STON2: variants seen among roughly 807,000 people sequenced by gnomAD.
STON2 encodes the protein stonin 2.
In STON2, 29 loss-of-function variants were observed where a neutral mutation model predicts 65.7. That is an observed-to-expected ratio of 0.44 (90% CI 0.33 to 0.60). The LOEUF (loss-of-function observed/expected upper bound fraction) is 0.60, where lower values mean the gene tolerates loss of function less well. Ranked by LOEUF, STON2 falls within the 20% of genes least tolerant of loss-of-function variation. The probability of loss-of-function intolerance (pLI) is 0.03; values close to 1 mark genes in which losing one functional copy is unlikely to be tolerated. For missense variants in STON2, 1,054 were observed against 1,118.1 expected (o/e 0.94, Z 0.82); for synonymous variants, 404 against 414.2 (o/e 0.98, Z 0.30).
intron 3 of STON2, among the ~76,000 whole-genome samples, chr14:81,390,193 C>CAA (rs759154677): frequency 3.4e-5 from 3 of 88,348 alleles, no homozygotes; most frequent in Non-Finnish European, 4.7e-5. Flanking sequence ...GACTCCATTT[C>CAA]AAAAAAAAAA....
At chr14:81,368,881 T>C (rs1295453481) in intron 4 of STON2, among the ~76,000 whole-genome samples, 1 of 152,166 alleles carries the variant, frequency 6.6e-6, no homozygotes, top group Non-Finnish European at 1.5e-5. Context: ...GCCAGTTAGT[T>C]TCTGGTGAGG....
intron 1 of STON2, among the ~76,000 whole-genome samples, chr14:81,427,779 C>T (rs764380770): frequency 2.0e-5 from 3 of 152,034 alleles, no homozygotes; most frequent in Non-Finnish European, 4.4e-5. Context: ...GTGAACTGAC[C>T]GTGCAAAAAC....
intron 2 of STON2, among the ~76,000 whole-genome samples, chr14:81,423,727 C>G (rs1901828326): frequency 6.6e-6 from 1 of 152,150 alleles, no homozygotes; most frequent in Non-Finnish European, 1.5e-5. Context: ...GGGGCAGCTG[C>G]ACAGGGGCCC....
At chr14:81,359,414 C>T (rs2140336027) in intron 4 of STON2, among the ~76,000 whole-genome samples, 1 of 152,236 alleles carries the variant, frequency 6.6e-6, no homozygotes, top group East Asian at 1.9e-4. Context: ...TCGCAATGAA[C>T]ACCTACATCA....
At chr14:81,397,618 A>G (rs946600749) in intron 2 of STON2, among the ~76,000 whole-genome samples, 2 of 152,204 alleles carry the variant, frequency 1.3e-5, no homozygotes, top group Non-Finnish European at 2.9e-5. Context: ...TGGCACTGGT[A>G]GCTGTAGTAG....
intron 2 of STON2, among the ~76,000 whole-genome samples, chr14:81,408,976 T>G (rs1901014144): frequency 6.6e-6 from 1 of 152,172 alleles, no homozygotes; most frequent in Non-Finnish European, 1.5e-5. Flanking sequence ...CACTTCATAT[T>G]TTTTTTGAAA....
At chr14:81,283,200 G>T (rs564596504) in intron 5 of STON2, among the ~76,000 whole-genome samples, 1 of 152,162 alleles carries the variant, frequency 6.6e-6, no homozygotes, top group South Asian at 2.1e-4. Context: ...ATGTTAGGCC[G>T]CAATCTATTT....
At position 81,316,792 on chromosome 14, in the gene STON2, G is replaced by A. The variant is rs574007638; in HGVS notation, c.742+7225C>T. Among the ~76,000 whole-genome samples the A allele has an allele frequency of 1.5e-3, 224 of 152,246 alleles. 1 individual carries two copies. Among genetic ancestry groups the A allele is most frequent in the Non-Finnish European group, 2.3e-3 (157 of 68,016 alleles). On this transcript the variant is annotated intron_variant, in intron 5 of 7. Transcript: ENST00000614646. ...TACCAGCACTTTGGGAGGCCAAGGC[G>A]GGTGGATCACGAGGTCAAGAGATTA...
intron 1 of STON2, among the ~76,000 whole-genome samples, chr14:81,433,402 C>G (rs1902292344): frequency 2.0e-5 from 3 of 152,202 alleles, no homozygotes; most frequent in South Asian, 4.1e-4. Context: ...AAGCCCAACT[C>G]AAAACTCTTC....
chr14:81,405,226 TTTCTC>T (rs1311929963), upstream of STON2, among the ~76,000 whole-genome samples: 1 of 152,136 alleles, frequency 6.6e-6, no homozygotes, highest in Non-Finnish European at 1.5e-5. Context: ...TCACTGACTC[TTTCTC>T]TTCTCATCTC....
chr14:81,264,777 T>G lies in STON2; in HGVS notation c.*3637A>C. ...GAAACTGTCCAGATAATATTTAATA[T>G]GAATGAAATGCAAACTTTTGATAAG... On this transcript the variant is annotated 3_prime_UTR_variant, in exon 8 of 8. Transcript: ENST00000614646. 1.0e-6 allele frequency: 1 copy of G among 985,394 alleles called. No individual in the cohort carries two copies. Among genetic ancestry groups the G allele is most frequent in the Non-Finnish European group, 1.2e-6 (1 of 829,930 alleles). The allele number at this position is 985,394 out of a possible 1,614,324, so 61.0% of individuals were successfully genotyped here.
intron 4 of STON2, among the ~76,000 whole-genome samples, chr14:81,354,746 C>T (rs577175867): frequency 6.6e-6 from 1 of 152,072 alleles, no homozygotes; most frequent in Non-Finnish European, 1.5e-5. Context: ...AGGCTGGGCA[C>T]GGTGGCTCAC....
In STON2 at chr14:81,428,402, G is replaced by T. The variant is rs116036176; in HGVS notation, c.-309-1190C>A. Among the ~76,000 whole-genome samples the T allele has an allele frequency of 3.9e-3, 589 of 152,246 alleles. 5 individuals are homozygous for T. Among genetic ancestry groups the T allele is most frequent in the African/African-American group, 0.014 (565 of 41,538 alleles). On this transcript the variant is annotated intron_variant, in intron 1 of 8. Transcript: ENST00000553821. Reference sequence around the variant, plus strand: ...CCCCAGCCTTATCCACTTAACCATGGCATTATCATTATTCTCTTTTAAAAG... The same window carrying T: ...CCCCAGCCTTATCCACTTAACCATGTCATTATCATTATTCTCTTTTAAAAG...
At chr14:81,395,819 C>A (rs747505767) in intron 3 of STON2, 75 bp downstream of exon 3, 2 of 1,464,752 alleles carry the variant, frequency 1.4e-6, no homozygotes, top group Non-Finnish European at 1.9e-6. Flanking sequence ...GGAATCCTGG[C>A]AGCCCTATAG....
At chr14:81,399,393 T>C (rs1345343639) in intron 1 of STON2, among the ~76,000 whole-genome samples, 1 of 152,242 alleles carries the variant, frequency 6.6e-6, no homozygotes, top group Non-Finnish European at 1.5e-5. Context: ...AGAGCTACTA[T>C]ATACCTTGAA....
At chr14:81,424,367 A>G (rs562022910) in intron 2 of STON2, among the ~76,000 whole-genome samples, 4 of 152,138 alleles carry the variant, frequency 2.6e-5, no homozygotes, top group Non-Finnish European at 5.9e-5. Flanking sequence ...TCGCTTGAAC[A>G]CGGGAAGCTG....
At position 81,278,085 on chromosome 14, in the gene STON2, C is replaced by A. The variant is rs1894938258; in HGVS notation, c.1397G>T (p.Trp466Leu). ...ATLPDDDPVA[W>L]IELDAHPPGS... ...AGGCGGGTGAGCATCTAGTTCAATC[C>A]AGGCTACTGGGTCATCATCAGGTAG... The change falls in exon 6 of 8, where the codon TGG becomes TTG. Residue 466 changes from tryptophan (W) to leucine (L), a missense_variant. Physicochemically the swap from Trp to Leu is moderately conservative, Grantham distance 61. Transcript: ENST00000614646. 1 of 1,614,174 alleles carries A rather than the reference C, an allele frequency of 6.2e-7. No individual in the cohort carries two copies. Among genetic ancestry groups the A allele is most frequent in the Non-Finnish European group, 8.5e-7 (1 of 1,180,036 alleles).
At chr14:81,298,186 G>A (rs943896766) in intron 5 of STON2, among the ~76,000 whole-genome samples, 11 of 152,272 alleles carry the variant, frequency 7.2e-5, no homozygotes, top group South Asian at 2.1e-4. Flanking sequence ...TAATTCCAGC[G>A]ATGAAGCCTA....
chr14:81,277,510 T>G lies in STON2; in HGVS notation c.1972A>C (p.Ile658Leu). The change falls in exon 6 of 8, where the codon ATC becomes CTC. Residue 658 changes from isoleucine (I) to leucine (L), a missense_variant. Coordinates refer to ENST00000614646, the MANE Select transcript of STON2 (RefSeq NM_001394390.1). ...LQHHVLTRIH[I>L]LSFLSGLAEC... Reference sequence around the variant, plus strand: ...GCGAGCCCAGACAGGAAACTCAGGATGTGGATCCGTGTCAAGACATGGTGC... The same window carrying G: ...GCGAGCCCAGACAGGAAACTCAGGAGGTGGATCCGTGTCAAGACATGGTGC... The G allele has an allele frequency of 6.2e-7, 1 of 1,614,138 alleles. No individual in the cohort carries two copies. The highest frequency in any genetic ancestry group is 8.5e-7 in the Non-Finnish European group (1 of 1,180,008).
Sources: gnomAD v4.1 joint callset for allele counts (sites outside exome capture counted in the v4.1 genomes callset) on GRCh38, gnomAD v4.1.1 for gene constraint, MANE v1.5 for transcripts, NCBI Gene and HGNC (gene_info 2026-07-23, HGNC 2026-07-21) for gene names.